The following TEAD1 variants were observed in gnomAD, a reference collection of about 807,000 sequenced individuals.
TEAD1 encodes TEA domain transcription factor 1.
Under a neutral mutation model 54.9 loss-of-function variants are expected in TEAD1, and 9 were observed. The observed-to-expected ratio is 0.16, with a 90% CI of 0.10 to 0.29. TEAD1 has a LOEUF of 0.29. TEAD1 is among the 10% of genes least tolerant of loss of function. The probability of loss-of-function intolerance (pLI) is 1.00; values close to 1 mark genes in which losing one functional copy is unlikely to be tolerated. For synonymous variants in TEAD1, 200 were observed against 187.8 expected (o/e 1.07, Z -0.53); for missense variants, 387 against 535.9 (o/e 0.72, Z 2.74).
chr11:12,918,266 A>T (rs1033887522), intron 10 of TEAD1, among the ~76,000 whole-genome samples: 1 of 151,508 alleles, frequency 6.6e-6, no homozygotes. Context: ...CAGTGACTGC[A>T]TTTCTTTCTG....
At chr11:12,711,458 G>T (rs1018524579) in intron 2 of TEAD1, among the ~76,000 whole-genome samples, 1 of 152,168 alleles carries the variant, frequency 6.6e-6, no homozygotes, top group African/African-American at 2.4e-5. Flanking sequence ...GCATCTCCCT[G>T]TTGTTTGAGA....
chr11:12,858,028 C>T (rs1042034649), intron 3 of TEAD1, among the ~76,000 whole-genome samples: 2 of 152,148 alleles, frequency 1.3e-5, no homozygotes, highest in Admixed American at 6.5e-5. Flanking sequence ...TCACTTGAAC[C>T]TGAGAGGTTG....
chr11:12,769,175 A>G (rs1261668814), intron 3 of TEAD1, among the ~76,000 whole-genome samples: 1 of 152,156 alleles, frequency 6.6e-6, no homozygotes, highest in African/African-American at 2.4e-5. Context: ...TCTTACTGGG[A>G]TACCAGGACT....
intron 3 of TEAD1, among the ~76,000 whole-genome samples, chr11:12,843,051 T>G (rs1474502792): frequency 1.3e-5 from 2 of 152,226 alleles, no homozygotes; most frequent in East Asian, 3.8e-4. Flanking sequence ...AAAAATTTTT[T>G]TTCTAGCTAA....
chr11:12,706,108 T>G (rs1943808582), intron 2 of TEAD1, among the ~76,000 whole-genome samples: 1 of 152,226 alleles, frequency 6.6e-6, no homozygotes, highest in Non-Finnish European at 1.5e-5. Context: ...AAAATAAATT[T>G]GACTCGTTTG....
intron 4 of TEAD1, among the ~76,000 whole-genome samples, chr11:12,862,747 G>A (rs1444296438): frequency 3.9e-5 from 6 of 152,204 alleles, no homozygotes; most frequent in African/African-American, 1.4e-4. Context: ...AACGCCAGCA[G>A]CCTTGAGTAT....
At chr11:12,827,840 G>T (rs1272090673) in intron 3 of TEAD1, among the ~76,000 whole-genome samples, 2 of 152,222 alleles carry the variant, frequency 1.3e-5, no homozygotes, top group Non-Finnish European at 2.9e-5. Flanking sequence ...TCTCTGGAAA[G>T]AAACGTTTAG....
chr11:12,894,448 C>T (rs1169000444), intron 9 of TEAD1, among the ~76,000 whole-genome samples: 1 of 151,958 alleles, frequency 6.6e-6, no homozygotes, highest in Admixed American at 6.6e-5. Context: ...AGAAAAAAGC[C>T]CCAGTGACCA....
intron 2 of TEAD1, among the ~76,000 whole-genome samples, chr11:12,745,022 G>A (rs1944719189): frequency 6.6e-6 from 1 of 152,136 alleles, no homozygotes; most frequent in Non-Finnish European, 1.5e-5. Context: ...CCAGGGCTCG[G>A]CTAATTTTAA....
chr11:12,931,096 T>C (rs534897936), intron 12 of TEAD1, among the ~76,000 whole-genome samples: 1 of 152,266 alleles, frequency 6.6e-6, no homozygotes, highest in East Asian at 1.9e-4. Flanking sequence ...TGACACCCTA[T>C]CTCAAAACAA....
chr11:12,797,208 TC>T (rs1274005095), intron 3 of TEAD1, among the ~76,000 whole-genome samples: 1 of 152,260 alleles, frequency 6.6e-6, no homozygotes, highest in East Asian at 1.9e-4. Flanking sequence ...TTTTAATTCT[TC>T]AACATAGACT....
chr11:12,739,910 T>A (rs1944617962), intron 2 of TEAD1, among the ~76,000 whole-genome samples: 1 of 152,226 alleles, frequency 6.6e-6, no homozygotes, highest in Non-Finnish European at 1.5e-5. Flanking sequence ...GTTGTATGTA[T>A]AAAGTACTGT....
intron 5 of TEAD1, among the ~76,000 whole-genome samples, chr11:12,870,034 G>A (rs1947708923): frequency 6.6e-6 from 1 of 151,748 alleles, no homozygotes; most frequent in African/African-American, 2.4e-5. Context: ...CGCTCATCAC[G>A]ACACTCAGCT....
intron 3 of TEAD1, among the ~76,000 whole-genome samples, chr11:12,775,559 G>C (rs186690301): frequency 1.3e-5 from 2 of 152,188 alleles, no homozygotes; most frequent in African/African-American, 2.4e-5. Context: ...TGTGTTTAAA[G>C]TGGTCTTTTT....
At chr11:12,752,508 A>G (rs541289369) in intron 2 of TEAD1, among the ~76,000 whole-genome samples, 1 of 152,272 alleles carries the variant, frequency 6.6e-6, no homozygotes, top group African/African-American at 2.4e-5. Context: ...CTTGGTATGA[A>G]CGGACGCAGA....
rs143827484 is a variant in TEAD1, at chr11:12,805,466, A to G, written c.202+41032A>G. ...ATTGTGGATGTCTAATTCCTTTTCA[A>G]ACCTAGAAGTAAAGATCATGTAACA... is the stretch of plus-strand genomic sequence containing the variant. On this transcript the variant is annotated intron_variant, in intron 3 of 12. Transcript: ENST00000527636. Among the ~76,000 whole-genome samples the G allele has an allele frequency of 2.3e-4, 35 of 152,302 alleles. No homozygotes were observed. The East Asian group carries it at 4.4e-3, about 19-fold the overall frequency.
intron 3 of TEAD1, among the ~76,000 whole-genome samples, chr11:12,834,992 T>C (rs1946857379): frequency 6.6e-6 from 1 of 152,174 alleles, no homozygotes; most frequent in South Asian, 2.1e-4. Flanking sequence ...CTTTAGAGTT[T>C]TGTGATTTTT....
At chr11:12,783,690 G>C (rs894143646) in intron 3 of TEAD1, among the ~76,000 whole-genome samples, 1 of 152,110 alleles carries the variant, frequency 6.6e-6, no homozygotes, top group African/African-American at 2.4e-5. Context: ...TTAACCACTA[G>C]GCTGAATTTT....
intron 2 of TEAD1, among the ~76,000 whole-genome samples, chr11:12,703,992 C>G (rs934905795): frequency 6.6e-6 from 1 of 152,136 alleles, no homozygotes; most frequent in African/African-American, 2.4e-5. Context: ...CCTGGATGTG[C>G]TTTTAAAAAA....
Sources: allele counts gnomAD v4.1 joint callset (sites outside exome capture counted in the v4.1 genomes callset), GRCh38; gene constraint gnomAD v4.1.1; transcripts MANE v1.5; gene names NCBI Gene and HGNC (gene_info 2026-07-23, HGNC 2026-07-21).